ZBTB47: variants seen among roughly 807,000 people sequenced by gnomAD.
The protein encoded by ZBTB47 is zinc finger and BTB domain-containing protein 47.
A neutral mutation model predicts 56.6 loss-of-function variants in ZBTB47; 24 were observed. The ratio of observed to expected loss-of-function variants is 0.42; its 90% confidence interval spans 0.31 to 0.60. The LOEUF is 0.60. Among genes scored for constraint, ZBTB47 ranks in the 20% least tolerant of loss-of-function variants. The pLI, the probability that ZBTB47 is intolerant of heterozygous loss-of-function variation, is 0.14. For synonymous variants in ZBTB47, 414 were observed against 418.9 expected (o/e 0.99, Z 0.14); for missense variants, 829 against 1,032.6 (o/e 0.80, Z 2.70).
Position 42,659,722 on chromosome 3 carries a change from A to G in ZBTB47, c.1367A>G (p.Asn456Ser). ...CGCTGGTACCTGGAGAAACACATGA[A>G]TGTGACCCACAGCCGCATGCAGATC... ...NNRWYLEKHM[N>S]VTHSRMQICD... is the part of the protein sequence containing the mutation. The change falls in exon 2 of 6, where the codon AAT (asparagine) becomes AGT (serine). Residue 456 changes from asparagine (N) to serine (S), a missense_variant. Transcript: ENST00000232974. 6.2e-7 allele frequency: 1 copy of G among 1,613,860 alleles called. No individual in the cohort carries two copies. Among genetic ancestry groups the G allele is most frequent in the South Asian group, 1.1e-5 (1 of 91,040 alleles).
Position 42,659,145 on chromosome 3 carries a change from G to A in ZBTB47, c.790G>A (p.Val264Met), listed in dbSNP as rs770797576. Reference protein sequence around the residue: ...KPGAGPSPATVVLGREDGLQR... With the variant: ...KPGAGPSPATMVLGREDGLQR... ...AGGTGCCGGGCCAAGCCCAGCCACC[G>A]TGGTTCTGGGCCGGGAGGACGGGCT... The change falls in exon 2 of 6, where the codon GTG becomes ATG. Residue 264 changes from valine to methionine, a missense_variant. Val to Met is a conservative substitution (Grantham distance 21). This residue lies in a region of ZBTB47 where 359 missense variants were observed against 359.8 expected (regional missense o/e 1.00). Coordinates refer to ENST00000232974, the MANE Select transcript of ZBTB47 (RefSeq NM_145166.4). The A allele has an allele frequency of 4.0e-5, 60 of 1,507,766 alleles. No individual in the cohort carries two copies. In the Middle Eastern group the frequency reaches 5.2e-4, roughly 13 times the overall value. The allele number at this position is 1,507,766 out of a possible 1,614,324, so 93.4% of individuals were successfully genotyped here.
At position 42,664,803 on chromosome 3, in the gene ZBTB47, C is replaced by A. The variant is rs368555727; in HGVS notation, c.*205C>A. On this transcript the variant is annotated 3_prime_UTR_variant, in exon 6 of 6. Transcript: ENST00000232974. ...CAGAGCTGGTGGAGGGCATCTCACT[C>A]CCAAGTGCCCCCCCTTTCTGTGACT... 1 of 455,748 alleles carries A rather than the reference C, an allele frequency of 2.2e-6. No homozygotes were observed. 28.2% of individuals were successfully genotyped at this position (455,748 alleles called of 1,614,324 possible).
chr3:42,664,425 G>T lies in ZBTB47; in HGVS notation c.2071G>T (p.Gly691Cys), dbSNP rs773160383. ...CTTCCGCGTCAGCCACACCCTGGCCGGCGACGGCGTCCCCGCTGCCCCAGG... is the reference window on the plus strand; with the variant it reads ...CTTCCGCGTCAGCCACACCCTGGCCTGCGACGGCGTCCCCGCTGCCCCAGG... ...KCFRVSHTLAGDGVPAAPGLP... is the reference protein window; with the variant it reads ...KCFRVSHTLACDGVPAAPGLP... Residue 691 changes from glycine to cysteine, a missense_variant, in exon 6 of 6, where the codon GGC becomes TGC. Coordinates refer to ENST00000232974, the MANE Select transcript of ZBTB47 (RefSeq NM_145166.4). 1 of 1,549,600 alleles carries T rather than the reference G, an allele frequency of 6.5e-7. No individual in the cohort carries two copies. Among genetic ancestry groups the T allele is most frequent in the Non-Finnish European group, 8.7e-7 (1 of 1,149,948 alleles).
Position 42,664,523 on chromosome 3 carries a change from GC to G in ZBTB47, c.2173del (p.His725ThrfsTer19). The G allele has an allele frequency of 3.7e-6, 1 of 272,338 alleles. No individual in the cohort carries two copies. The allele number at this position is 272,338 out of a possible 1,614,324, so 16.9% of individuals were successfully genotyped here. On this transcript the variant is annotated frameshift_variant, in exon 6 of 6. Transcript: ENST00000232974. LOFTEE classifies it low-confidence loss of function (END_TRUNC). ...PGLPQTLPPP[P>X]HLPPPPPLFP... is the part of the protein sequence containing the mutation. ...GGCTGCCCCAGACCCTGCCGCCCCC[GC>G]CCCACCTGCCGCCCCCGCCTCCGCT...
chr3:42,655,317 A>T (rs1710628252), intron 1 of ZBTB47, among the ~76,000 whole-genome samples: 1 of 152,110 alleles, frequency 6.6e-6, no homozygotes, highest in East Asian at 1.9e-4. Flanking sequence ...AAGAATTGAC[A>T]TGGGAGGGGG....
Position 42,659,817 on chromosome 3 carries a change from C to G in ZBTB47, c.1462C>G (p.Arg488Gly). 1 of 1,604,806 alleles carries G rather than the reference C, an allele frequency of 6.2e-7. No individual in the cohort carries two copies. The highest frequency in any genetic ancestry group is 8.5e-7 in the Non-Finnish European group (1 of 1,174,236). ...GCTGCACAGGCAGACAGACTGCGAGCGCAACATCCAGGTGGGCCTCACGTG... is the reference window on the plus strand; with the variant it reads ...GCTGCACAGGCAGACAGACTGCGAGGGCAACATCCAGGTGGGCCTCACGTG... ...LLLHRQTDCE[R>G]NIQCVTCGKA... The change falls in exon 2 of 6, where the codon CGC becomes GGC. Residue 488 changes from arginine to glycine, a missense_variant. By Grantham distance (125) the Arg-to-Gly change is moderately radical (BLOSUM62 -2). Transcript: ENST00000232974.
chr3:42,659,542 C>T lies in ZBTB47; in HGVS notation c.1187C>T (p.Ala396Val). The change falls in exon 2 of 6, where the codon GCT becomes GTT. Residue 396 changes from alanine to valine, a missense_variant. Transcript: ENST00000232974. ...RRRGTPEPEE[A>V]GRRGGKRPKP... ...CGGGGTACCCCTGAACCTGAAGAAG[C>T]TGGGCGGCGGGGTGGGAAGAGGCCA... is the stretch of plus-strand genomic sequence containing the variant. 6.4e-7 allele frequency: 1 copy of T among 1,568,980 alleles called. No homozygotes were observed. The highest frequency in any genetic ancestry group is 8.6e-7 in the Non-Finnish European group (1 of 1,158,702).
Position 42,666,611 on chromosome 3 carries a change from C to T in ZBTB47, c.*2013C>T, listed in dbSNP as rs1169340581. On this transcript the variant is annotated 3_prime_UTR_variant, in exon 6 of 6. Transcript: ENST00000232974. The stretch of plus-strand genomic sequence containing the variant: ...GGGTTTCCAACCCCCATCACTGGCA[C>T]CAGGATCTCCCACAGGCACTGGTGG... Among the ~76,000 whole-genome samples, 3 of 152,212 alleles carry T rather than the reference C, an allele frequency of 2.0e-5. No individual in the cohort carries two copies. Among genetic ancestry groups the T allele is most frequent in the Non-Finnish European group, 4.4e-5 (3 of 68,038 alleles).
At position 42,654,803 on chromosome 3, in the gene ZBTB47, C is replaced by T. The variant is rs963970554; in HGVS notation, c.-82+920C>T. On this transcript the variant is annotated intron_variant, in intron 1 of 5. Coordinates refer to ENST00000232974, the MANE Select transcript of ZBTB47 (RefSeq NM_145166.4). The surrounding 1 kb of genome is among the most constrained non-coding windows in gnomAD (Gnocchi z 5.0). ...GTGGAGGGGCTGGAGGGATCTTCCC[C>T]CCTCCCCCGGTCTCCCGGCTCCATC... The T allele has an allele frequency of 1.6e-5, 11 of 681,368 alleles. No homozygotes were observed. Among genetic ancestry groups the T allele is most frequent in the Non-Finnish European group, 1.8e-5 (10 of 552,078 alleles). 42.2% of individuals were successfully genotyped at this position (681,368 alleles called of 1,614,324 possible).
chr3:42,658,783 A>T lies in ZBTB47; in HGVS notation c.428A>T (p.Lys143Met). 4.6e-6 allele frequency: 7 copies of T among 1,532,274 alleles called. No homozygotes were observed. The highest frequency in any genetic ancestry group is 6.1e-6 in the Non-Finnish European group (7 of 1,144,840). The allele number at this position is 1,532,274 out of a possible 1,614,324, so 94.9% of individuals were successfully genotyped here. ...GCGCCGCCCTACTACTGTGACATCA[A>T]GCAGGAGGCCGACACCCCAGGCCTG... Reference protein sequence around the residue: ...PAAPPYYCDIKQEADTPGLPK... With the variant: ...PAAPPYYCDIMQEADTPGLPK... Residue 143 changes from lysine (K) to methionine (M), a missense_variant, in exon 2 of 6, where the codon AAG (lysine) becomes ATG (methionine). Physicochemically the swap from Lys to Met is moderately conservative, Grantham distance 95. Around this residue, in one of 6 missense-constraint regions of ZBTB47, gnomAD observed 120 missense variants for 200.2 expected, o/e 0.60. Transcript: ENST00000232974.
In ZBTB47 at chr3:42,665,124, A is replaced by C. The variant is rs1710772722; in HGVS notation, c.*526A>C. 1 of 152,480 alleles carries C rather than the reference A, an allele frequency of 6.6e-6. No homozygotes were observed. Among genetic ancestry groups the C allele is most frequent in the Non-Finnish European group, 1.5e-5 (1 of 68,320 alleles). 9.4% of individuals were successfully genotyped at this position (152,480 alleles called of 1,614,324 possible). A position where few individuals can be genotyped will look rare whatever the true frequency, so the allele number is the denominator to read the frequency against. On this transcript the variant is annotated 3_prime_UTR_variant, in exon 6 of 6. Coordinates refer to ENST00000232974, the MANE Select transcript of ZBTB47 (RefSeq NM_145166.4). ...CCCCACAACCCCTGAGGAGGTGTAG[A>C]CCCAGTCTGAGAGCCGCAAGCACTG...
At chr3:42,653,046 G>T (rs543772956), upstream of ZBTB47, among the ~76,000 whole-genome samples, 6 of 152,224 alleles carry the variant, frequency 3.9e-5, no homozygotes, top group Non-Finnish European at 7.3e-5. Flanking sequence ...GCAGGTACAG[G>T]ATGTCTGCAG....
upstream of ZBTB47, among the ~76,000 whole-genome samples, chr3:42,653,468 A>T (rs1465349580): frequency 6.6e-6 from 1 of 152,148 alleles, no homozygotes; most frequent in Non-Finnish European, 1.5e-5. Flanking sequence ...GGGTAGGAGG[A>T]GGGGATGTCC....
chr3:42,653,410 G>A (rs1710592116), upstream of ZBTB47, among the ~76,000 whole-genome samples: 1 of 152,210 alleles, frequency 6.6e-6, no homozygotes, highest in South Asian at 2.1e-4. Flanking sequence ...TGGAATATCA[G>A]GATGGGGGCA....
chr3:42,653,067 G>A (rs1455139110), upstream of ZBTB47, among the ~76,000 whole-genome samples: 1 of 152,216 alleles, frequency 6.6e-6, no homozygotes, highest in Non-Finnish European at 1.5e-5. Context: ...CAGCTGCCAG[G>A]GGCTTCCAGA....
At chr3:42,660,363 G>T (rs750867245) in intron 2 of ZBTB47, among the ~76,000 whole-genome samples, 3 of 152,240 alleles carry the variant, frequency 2.0e-5, no homozygotes, top group Non-Finnish European at 2.9e-5. Flanking sequence ...GGAGGGGGCA[G>T]CCCAGCAGGA....
At position 42,658,369 on chromosome 3, in the gene ZBTB47, A is replaced by C; in HGVS notation, c.14A>C (p.Asn5Thr). The change falls in exon 2 of 6, where the codon AAC becomes ACC. Residue 5 changes from asparagine to threonine, a missense_variant. Physicochemically the swap from Asn to Thr is moderately conservative, Grantham distance 65. Transcript: ENST00000232974. MGRL[N>T]EQRLFQPDLC... ...TTTGCCTGCTTGATGGGCCGCCTGA[A>C]CGAGCAGCGCCTCTTCCAGCCTGAC... is the stretch of plus-strand genomic sequence containing the variant. The C allele has an allele frequency of 6.5e-7, 1 of 1,534,054 alleles. No individual in the cohort carries two copies. The highest frequency in any genetic ancestry group is 1.7e-4 in the Middle Eastern group (1 of 5,934).
At position 42,661,488 on chromosome 3, in the gene ZBTB47, G is replaced by A. The variant is rs1208138396; in HGVS notation, c.1477G>A (p.Val493Met). ...CTCAAGTCCTCTTATTCTGCAGTGT[G>A]TGACATGTGGCAAAGCTTTCAAGAA... ...QTDCERNIQC[V>M]TCGKAFKKLW... Residue 493 changes from valine (V) to methionine (M), a missense_variant, in exon 3 of 6, where the codon GTG becomes ATG. Transcript: ENST00000232974. The A allele has an allele frequency of 6.2e-7, 1 of 1,613,870 alleles. No homozygotes were observed.
Position 42,664,284 on chromosome 3 carries a change from C to A in ZBTB47, c.1930C>A (p.Arg644=). Residue 644 remains arginine, a synonymous_variant, in exon 6 of 6, where the codon CGG becomes AGG. Coordinates refer to ENST00000232974, the MANE Select transcript of ZBTB47 (RefSeq NM_145166.4). ...CEICGKSFTS[R]PNMKRHRRTH... is the part of the protein sequence containing the mutation. Reference sequence around the variant, plus strand: ...GATCTGTGGCAAGAGCTTCACCAGCCGGCCCAACATGAAGCGGCACCGGCG... The same window carrying A: ...GATCTGTGGCAAGAGCTTCACCAGCAGGCCCAACATGAAGCGGCACCGGCG... The A allele has an allele frequency of 6.2e-7, 1 of 1,613,742 alleles. No individual in the cohort carries two copies. Among genetic ancestry groups the A allele is most frequent in the Non-Finnish European group, 8.5e-7 (1 of 1,179,830 alleles).
Sources: gnomAD v4.1 joint callset for allele counts (sites outside exome capture counted in the v4.1 genomes callset) on GRCh38, gnomAD v4.1.1 for gene constraint, gnomAD v4.1.1 regional missense constraint, Gnocchi (gnomAD v3.1) non-coding constraint, MANE v1.5 for transcripts, NCBI Gene and HGNC (gene_info 2026-07-23, HGNC 2026-07-21) for gene names.